Variants in HVCN1 observed in about 807,000 individuals in gnomAD.
The protein encoded by HVCN1 is hydrogen voltage gated channel 1.
In HVCN1, 14 loss-of-function variants were observed where a neutral mutation model predicts 29.2. The observed-to-expected ratio is 0.48, with a 90% CI of 0.32 to 0.75. The LOEUF (loss-of-function observed/expected upper bound fraction) is 0.75, where lower values mean the gene tolerates loss of function less well. Among genes scored for constraint, HVCN1 ranks in the 30% least tolerant of loss-of-function variants. HVCN1 has a pLI of 0.04. For missense variants in HVCN1, 263 were observed against 341.8 expected, an observed-to-expected ratio of 0.77 and a Z score of 1.82; for synonymous variants, 131 against 133.2, an observed-to-expected ratio of 0.98 and a Z score of 0.11.
chr12:110,696,082 A>G (rs977694150), intron 2 of HVCN1, among the ~76,000 whole-genome samples: 6 of 151,236 alleles, frequency 4.0e-5, no homozygotes, highest in African/African-American at 1.5e-4. Flanking sequence ...CCTCCTGAGT[A>G]GCTGGGATTA....
chr12:110,695,294 A>C (rs1028849993), intron 2 of HVCN1, among the ~76,000 whole-genome samples: 3 of 152,038 alleles, frequency 2.0e-5, no homozygotes, highest in Admixed American at 6.6e-5. Context: ...ACACACACAC[A>C]CTTATATATA....
At chr12:110,652,704 T>G (rs1217650864) in intron 5 of HVCN1, among the ~76,000 whole-genome samples, 1 of 152,202 alleles carries the variant, frequency 6.6e-6, no homozygotes, top group African/African-American at 2.4e-5. Flanking sequence ...AGTGCTTTTT[T>G]ATAGAAGAGT....
At chr12:110,701,660 C>A (rs1465264339) in intron 2 of HVCN1, among the ~76,000 whole-genome samples, 1 of 152,012 alleles carries the variant, frequency 6.6e-6, no homozygotes, top group African/African-American at 2.4e-5. Context: ...AGTTCAAGAC[C>A]AGCCTGGTCA....
chr12:110,649,642 C>T (rs2067693370), intron 7 of HVCN1, among the ~76,000 whole-genome samples, 167 bp from the exon 8 acceptor site: 1 of 152,102 alleles, frequency 6.6e-6, no homozygotes, highest in Non-Finnish European at 1.5e-5. Flanking sequence ...ATAGGCTTCA[C>T]TGAGCAGCAG....
intron 3 of HVCN1, among the ~76,000 whole-genome samples, chr12:110,671,854 A>AG (rs2068586862): frequency 6.6e-6 from 1 of 152,172 alleles, no homozygotes; most frequent in Non-Finnish European, 1.5e-5. Context: ...CAGGAAGGGT[A>AG]GGTGAAGTCT....
chr12:110,694,353 C>T (rs936654566), upstream of HVCN1, among the ~76,000 whole-genome samples: 47 of 152,208 alleles, frequency 3.1e-4, no homozygotes, highest in African/African-American at 1.0e-3. The surrounding 1 kb of genome is among the most constrained non-coding windows in gnomAD (Gnocchi z 4.6). Context: ...TGAGCCACCG[C>T]GCCTGGCCAC....
At chr12:110,672,976 C>A (rs1174845057) in intron 3 of HVCN1, among the ~76,000 whole-genome samples, 2 of 152,098 alleles carry the variant, frequency 1.3e-5, no homozygotes, top group African/African-American at 4.8e-5. Context: ...TAAATTGGTA[C>A]CAGTAGAGTG....
intron 1 of HVCN1, among the ~76,000 whole-genome samples, 179 bp from the exon 2 acceptor site, chr12:110,688,887 C>T (rs953683232): frequency 6.6e-6 from 1 of 152,224 alleles, no homozygotes. Flanking sequence ...GGAAGCACTG[C>T]CCGCCCGCGC....
At chr12:110,695,571 T>C (rs1252024338) in intron 2 of HVCN1, among the ~76,000 whole-genome samples, 1 of 151,862 alleles carries the variant, frequency 6.6e-6, no homozygotes, top group Non-Finnish European at 1.5e-5. Context: ...CAATGAAGTA[T>C]TGCAAAGGAA....
At chr12:110,650,831 C>CTA (rs1176526666) in intron 6 of HVCN1, among the ~76,000 whole-genome samples, 1 of 151,668 alleles carries the variant, frequency 6.6e-6, no homozygotes, top group East Asian at 1.9e-4. Flanking sequence ...GTGGCTGGGA[C>CTA]TACATGTGTG....
intron 4 of HVCN1, among the ~76,000 whole-genome samples, chr12:110,660,128 G>A (rs1349459248): frequency 6.6e-6 from 1 of 151,930 alleles, no homozygotes; most frequent in African/African-American, 2.4e-5. Context: ...TGTAATCCCA[G>A]CACTTTGGGA....
intron 2 of HVCN1, among the ~76,000 whole-genome samples, chr12:110,701,969 G>C (rs1415193565): frequency 6.6e-6 from 1 of 150,426 alleles, no homozygotes; most frequent in African/African-American, 2.4e-5. Context: ...TTTTGAGACG[G>C]AGTTTCACTC....
chr12:110,668,294 G>A (rs2136337279), intron 3 of HVCN1, among the ~76,000 whole-genome samples: 1 of 152,228 alleles, frequency 6.6e-6, no homozygotes, highest in East Asian at 1.9e-4. Context: ...TTCAGGTCAA[G>A]AGTTTGAGAC....
At chr12:110,668,193 A>G (rs895675621) in intron 3 of HVCN1, among the ~76,000 whole-genome samples, 9 of 152,106 alleles carry the variant, frequency 5.9e-5, no homozygotes, top group African/African-American at 1.9e-4. Context: ...AGTGCCAGCT[A>G]TGATCATCCC....
At chr12:110,653,569 C>T (rs2067885068) in intron 5 of HVCN1, among the ~76,000 whole-genome samples, 1 of 152,068 alleles carries the variant, frequency 6.6e-6, no homozygotes, top group South Asian at 2.1e-4. Flanking sequence ...GGGCTGGACA[C>T]GGTGGCTCTT....
chr12:110,702,640 G>A (rs2069574586), intron 1 of HVCN1, among the ~76,000 whole-genome samples: 1 of 150,730 alleles, frequency 6.6e-6, no homozygotes, highest in African/African-American at 2.4e-5. Flanking sequence ...GCGCCACCAT[G>A]CCTGGCTAAT....
chr12:110,669,901 C>T (rs2068514417), intron 3 of HVCN1, among the ~76,000 whole-genome samples: 1 of 152,050 alleles, frequency 6.6e-6, no homozygotes, highest in South Asian at 2.1e-4. Flanking sequence ...ACTAAAAATA[C>T]AAAAATTAGC....
At chr12:110,697,483 G>A (rs2136509382) in intron 2 of HVCN1, among the ~76,000 whole-genome samples, 1 of 152,158 alleles carries the variant, frequency 6.6e-6, no homozygotes, top group East Asian at 1.9e-4. Context: ...AGCGCAGAGA[G>A]GGAGAGAGTG....
chr12:110,691,618 C>G, upstream of HVCN1, among the ~76,000 whole-genome samples: 1 of 152,284 alleles, frequency 6.6e-6, no homozygotes, highest in Admixed American at 6.5e-5. Context: ...ACAAGTACCC[C>G]GTCCCCTAGT....
Sources: allele counts gnomAD v4.1 joint callset (sites outside exome capture counted in the v4.1 genomes callset), GRCh38; gene constraint gnomAD v4.1.1; non-coding constraint Gnocchi (gnomAD v3.1); transcripts MANE v1.5; gene names NCBI Gene and HGNC (gene_info 2026-07-23, HGNC 2026-07-21).